Variants in ADGRF5 observed in about 807,000 individuals in gnomAD.
The protein encoded by ADGRF5 is G-protein coupled receptor 116.
A neutral mutation model predicts 132.3 loss-of-function variants in ADGRF5; 75 were observed. That is an observed-to-expected ratio of 0.57 (90% confidence interval 0.47 to 0.69). The LOEUF (loss-of-function observed/expected upper bound fraction) is 0.69, where lower values mean the gene tolerates loss of function less well. Ranked by LOEUF, ADGRF5 falls within the 30% of genes least tolerant of loss-of-function variation. The pLI is 0.00. For synonymous variants in ADGRF5, 629 were observed against 597.6 expected, an observed-to-expected ratio of 1.05 and a Z score of -0.77; for missense variants, 1,516 against 1,630.6, an observed-to-expected ratio of 0.93 and a Z score of 1.21.
rs771969805 is a variant in ADGRF5, at chr6:46,869,104, G to A, written c.1412-12C>T. 10 of 1,610,984 alleles carry A rather than the reference G, an allele frequency of 6.2e-6. No individual in the cohort carries two copies. The highest frequency in any genetic ancestry group is 2.2e-5 in the South Asian group (2 of 90,878). ...TATTGTTAGATTGGCTGAAAAAAAG[G>A]CAAACAAAACAGACAAAAGAAAACT... On this transcript the variant is annotated splice_polypyrimidine_tract_variant and intron_variant, in intron 11 of 20. Transcript: ENST00000283296.
chr6:46,910,492 A>G (rs1775833655), intron 1 of ADGRF5, among the ~76,000 whole-genome samples: 1 of 152,088 alleles, frequency 6.6e-6, no homozygotes, highest in South Asian at 2.1e-4. Flanking sequence ...TGCAAGGGTT[A>G]CGCCCTCTAA....
intron 1 of ADGRF5, among the ~76,000 whole-genome samples, chr6:46,934,625 A>G (rs557783665): frequency 1.3e-5 from 2 of 152,274 alleles, no homozygotes; most frequent in Admixed American, 1.3e-4. Flanking sequence ...TTCTTTACAA[A>G]CACCATGCTA....
At chr6:46,909,847 G>A (rs1017442696) in intron 1 of ADGRF5, among the ~76,000 whole-genome samples, 2 of 148,752 alleles carry the variant, frequency 1.3e-5, no homozygotes, top group South Asian at 2.1e-4. Flanking sequence ...TTTTTTTTTT[G>A]TAAATAGCCA....
chr6:46,864,416 G>A (rs1264591532), intron 14 of ADGRF5, among the ~76,000 whole-genome samples: 2 of 152,086 alleles, frequency 1.3e-5, no homozygotes, highest in Non-Finnish European at 2.9e-5. Context: ...AACCCCAAAG[G>A]ACCTCAACCA....
At chr6:46,930,855 C>A (rs903640528) in intron 1 of ADGRF5, among the ~76,000 whole-genome samples, 4 of 152,112 alleles carry the variant, frequency 2.6e-5, no homozygotes, top group Non-Finnish European at 5.9e-5. Context: ...GAGTTTGAAA[C>A]CAGCCTGGGC....
chr6:46,949,222 T>C (rs1256235680), intron 1 of ADGRF5, among the ~76,000 whole-genome samples: 3 of 152,186 alleles, frequency 2.0e-5, no homozygotes, highest in African/African-American at 7.2e-5. Flanking sequence ...TGCTGCTTTC[T>C]TCCCCCAGGA....
chr6:46,865,310 C>A, intron 13 of ADGRF5, 113 bp from the exon 14 acceptor site: 1 of 708,802 alleles, frequency 1.4e-6, no homozygotes, highest in South Asian at 2.0e-5. Context: ...GAGGAATGTG[C>A]CACATTCATT....
At chr6:46,896,145 A>C (rs1266142398) in intron 3 of ADGRF5, among the ~76,000 whole-genome samples, 1 of 152,050 alleles carries the variant, frequency 6.6e-6, no homozygotes, top group Non-Finnish European at 1.5e-5. Context: ...CGTGTAATTT[A>C]TTTAGCCATA....
At chr6:46,869,577 C>A (rs1770824596) in intron 11 of ADGRF5, among the ~76,000 whole-genome samples, 1 of 152,152 alleles carries the variant, frequency 6.6e-6, no homozygotes, top group African/African-American at 2.4e-5. Flanking sequence ...AAAATGTGAG[C>A]CCTCAAGGGC....
intron 1 of ADGRF5, among the ~76,000 whole-genome samples, chr6:46,936,011 C>T (rs1234118): frequency 0.51 from 77,857 of 152,140 alleles, 20,891 homozygotes; most frequent in East Asian, 0.63. Context: ...AGAGCAACTG[C>T]AGCAGTTTCC....
intron 3 of ADGRF5, among the ~76,000 whole-genome samples, chr6:46,890,217 C>T (rs961646185): frequency 1.2e-4 from 18 of 151,918 alleles, no homozygotes; most frequent in South Asian, 2.1e-4. Context: ...TTCAGCCTCC[C>T]GAGGAGCTGG....
chr6:46,937,557 C>G (rs1777895213), intron 1 of ADGRF5, among the ~76,000 whole-genome samples: 1 of 152,088 alleles, frequency 6.6e-6, no homozygotes, highest in Admixed American at 6.6e-5. Context: ...CAGTGGATGC[C>G]TGAAATCATC....
intron 11 of ADGRF5, among the ~76,000 whole-genome samples, chr6:46,869,822 C>T (rs1770850412): frequency 6.6e-6 from 1 of 152,102 alleles, no homozygotes; most frequent in African/African-American, 2.4e-5. Flanking sequence ...GTACAGGTAC[C>T]TTAATTATAA....
intron 10 of ADGRF5, among the ~76,000 whole-genome samples, chr6:46,877,306 T>TC (rs369575219): frequency 1.2e-4 from 9 of 77,198 alleles, no homozygotes; most frequent in South Asian, 4.8e-4. Flanking sequence ...TCTCTCTCTC[T>TC]TTCCTTCCTT....
chr6:46,881,905 G>C (rs1772515216), intron 7 of ADGRF5, 144 bp downstream of exon 7: 2 of 730,084 alleles, frequency 2.7e-6, no homozygotes, highest in African/African-American at 1.8e-5. Flanking sequence ...ACATCTGTAA[G>C]GGGTGAGGTA....
In ADGRF5 at chr6:46,856,891, G is replaced by A; in HGVS notation, c.3792C>T (p.Leu1264=). The A allele has an allele frequency of 6.2e-7, 1 of 1,608,236 alleles. No individual in the cohort carries two copies. The highest frequency in any genetic ancestry group is 1.1e-5 in the South Asian group (1 of 90,896). ...CCTTCAGATCCCAGAGGCATCCAAA[G>A]AGTAAAATGAATAATCCCTGAGAAA... ...LNVFQGLFIL[L]FGCLWDLKVQ... is the part of the protein sequence containing the mutation. Residue 1264 remains leucine (L), a synonymous_variant, in exon 18 of 21, where the codon CTC becomes CTT. Coordinates refer to ENST00000283296, the MANE Select transcript of ADGRF5 (RefSeq NM_001098518.2).
At chr6:46,919,235 TA>T (rs966282181) in intron 1 of ADGRF5, among the ~76,000 whole-genome samples, 2 of 151,906 alleles carry the variant, frequency 1.3e-5, no homozygotes, top group African/African-American at 4.8e-5. Context: ...AGTACTGACA[TA>T]AAAAAAATGG....
At chr6:46,873,199 C>G (rs569170513) in intron 10 of ADGRF5, among the ~76,000 whole-genome samples, 2 of 152,254 alleles carry the variant, frequency 1.3e-5, no homozygotes, top group South Asian at 4.1e-4. Flanking sequence ...CAGATACACT[C>G]AAGTCTCCCT....
chr6:46,859,253 C>T lies in ADGRF5; in HGVS notation c.2650G>A (p.Asp884Asn). 4.3e-6 allele frequency: 7 copies of T among 1,614,070 alleles called. No individual in the cohort carries two copies. The highest frequency in any genetic ancestry group is 5.9e-6 in the Non-Finnish European group (7 of 1,180,006). Reference sequence around the variant, plus strand: ...TGCAAGTTTTCTAGATAGCTCTTGTCAATGACCACATTGCCCCAGAGGTCA... The same window carrying T: ...TGCAAGTTTTCTAGATAGCTCTTGTTAATGACCACATTGCCCCAGAGGTCA... The part of the protein sequence containing the change: ...YFDLWGNVVI[D>N]KSYLENLQSD... The change falls in exon 17 of 21, where the codon GAC becomes AAC. Residue 884 changes from aspartate (D) to asparagine (N), a missense_variant. By Grantham distance (23) the Asp-to-Asn change is conservative. This residue lies in a region of ADGRF5 where 571 missense variants were observed against 701.2 expected (regional missense o/e 0.81). Coordinates refer to ENST00000283296, the MANE Select transcript of ADGRF5 (RefSeq NM_001098518.2).
Sources: gnomAD v4.1 joint callset for allele counts (sites outside exome capture counted in the v4.1 genomes callset) on GRCh38, gnomAD v4.1.1 for gene constraint, gnomAD v4.1.1 regional missense constraint, MANE v1.5 for transcripts, NCBI Gene and HGNC (gene_info 2026-07-23, HGNC 2026-07-21) for gene names.